The following DNAH6 variants were observed in gnomAD, a reference collection of about 807,000 sequenced individuals.
The protein encoded by DNAH6 is axonemal beta dynein heavy chain 6.
In DNAH6, 340 loss-of-function variants were observed where a neutral mutation model predicts 491.4. That is an observed-to-expected ratio of 0.69 (90% CI 0.63 to 0.76). DNAH6 has a LOEUF of 0.76. Among genes scored for constraint, DNAH6 ranks in the 30% least tolerant of loss-of-function variants. The pLI is 0.00. For synonymous variants in DNAH6, 1,603 were observed against 1,686.1 expected (o/e 0.95, Z 1.21); for missense variants, 4,443 against 4,972.2 (o/e 0.89, Z 3.20).
chr2:84,512,178 A>G (rs1410592187), upstream of DNAH6, among the ~76,000 whole-genome samples: 1 of 152,128 alleles, frequency 6.6e-6, no homozygotes, highest in Non-Finnish European at 1.5e-5. Context: ...CCCTTAGTCA[A>G]TTTGGTGTGA....
intron 35 of DNAH6, among the ~76,000 whole-genome samples, 157 bp downstream of exon 35, chr2:84,654,939 G>A (rs1248303549): frequency 6.6e-6 from 1 of 151,776 alleles, no homozygotes; most frequent in East Asian, 1.9e-4. Flanking sequence ...AATCGTCCAG[G>A]AATGTTTATA....
chr2:84,631,828 C>T (rs1573293679), intron 29 of DNAH6, among the ~76,000 whole-genome samples: 3 of 152,188 alleles, frequency 2.0e-5, no homozygotes, highest in Non-Finnish European at 4.4e-5. Flanking sequence ...TTAAGCCCTT[C>T]AGTTTATGGC....
At chr2:84,704,820 A>C (rs1696275556) in intron 51 of DNAH6, among the ~76,000 whole-genome samples, 1 of 152,340 alleles carries the variant, frequency 6.6e-6, no homozygotes, top group African/African-American at 2.4e-5. Context: ...TAGTGATACA[A>C]ACTTTTTTTC....
At position 84,624,633 on chromosome 2, in the gene DNAH6, T is replaced by A; in HGVS notation, c.4353+13T>A. 1 of 1,550,154 alleles carries A rather than the reference T, an allele frequency of 6.5e-7. No individual in the cohort carries two copies. Among genetic ancestry groups the A allele is most frequent in the Middle Eastern group, 1.7e-4 (1 of 5,984 alleles). On this transcript the variant is annotated intron_variant, in intron 28 of 76. Transcript: ENST00000389394. ...TACTCCACTCACAGTAAGTTATTGA[T>A]CACTTGGGTTAATATTGACACAAGA...
intron 50 of DNAH6, 133 bp downstream of exon 50, chr2:84,703,695 T>G: frequency 1.1e-6 from 1 of 901,262 alleles, no homozygotes; most frequent in Non-Finnish European, 1.6e-6. Context: ...AGCAAAGTTT[T>G]TTTTTTTTTA....
chr2:84,638,501 C>A (rs1229745506), intron 31 of DNAH6, among the ~76,000 whole-genome samples: 1 of 151,762 alleles, frequency 6.6e-6, no homozygotes, highest in African/African-American at 2.4e-5. Flanking sequence ...CATTTCATAA[C>A]AAGGGACACT....
intron 71 of DNAH6, among the ~76,000 whole-genome samples, chr2:84,807,063 A>G (rs930592485): frequency 1.3e-5 from 2 of 152,208 alleles, no homozygotes; most frequent in Non-Finnish European, 2.9e-5. Flanking sequence ...GGCTTCATAA[A>G]GCTTGTACTT....
chr2:84,543,032 G>A (rs536383756), intron 4 of DNAH6, among the ~76,000 whole-genome samples: 3 of 152,148 alleles, frequency 2.0e-5, no homozygotes, highest in East Asian at 3.9e-4. Context: ...AGTGGCAGGC[G>A]CCTGTAATCC....
intron 11 of DNAH6, among the ~76,000 whole-genome samples, chr2:84,571,528 AACAC>A (rs1681869438): frequency 6.6e-6 from 1 of 152,208 alleles, no homozygotes; most frequent in Non-Finnish European, 1.5e-5. Flanking sequence ...GGAAATATAA[AACAC>A]ACACATGCAC....
At chr2:84,649,790 C>T (rs1262984079) in intron 33 of DNAH6, among the ~76,000 whole-genome samples, 1 of 152,004 alleles carries the variant, frequency 6.6e-6, no homozygotes, top group Non-Finnish European at 1.5e-5. Flanking sequence ...AACGCAGGAA[C>T]AGAAAACCAA....
Position 84,548,448 on chromosome 2 carries a change from G to T in DNAH6, c.1316+31G>T, listed in dbSNP as rs1282207429. 9.9e-6 allele frequency: 16 copies of T among 1,612,280 alleles called. 1 individual carries two copies. Among genetic ancestry groups the T allele is most frequent in the Non-Finnish European group, 1.2e-5 (14 of 1,179,490 alleles). ...ATTATTCTCATTTTCAAGAAAAATT[G>T]TAGTACCCATCTTAAGCTGCATTAA... On this transcript the variant is annotated intron_variant, in intron 8 of 76. Coordinates refer to ENST00000389394, the MANE Select transcript of DNAH6 (RefSeq NM_001370.2).
rs557970411 is a variant in DNAH6, at chr2:84,679,325, G to A, written c.6745-2032G>A. 1.1e-3 allele frequency among the ~76,000 whole-genome samples: 163 copies of A among 152,214 alleles called. 2 individuals carry two copies. The highest frequency in any genetic ancestry group is 3.9e-3 in the African/African-American group (160 of 41,520). ...ATGCCCAGACACGATTTGCACCGTT[G>A]GAATATGTACATTATAAGTGACTCT... On this transcript the variant is annotated intron_variant, in intron 41 of 76. Coordinates refer to ENST00000389394, the MANE Select transcript of DNAH6 (RefSeq NM_001370.2).
intron 4 of DNAH6, among the ~76,000 whole-genome samples, chr2:84,543,961 A>G (rs1678509931): frequency 6.6e-6 from 1 of 152,150 alleles, no homozygotes; most frequent in Admixed American, 6.5e-5. Flanking sequence ...TTATTAATTT[A>G]TAGTCAATTC....
At chr2:84,740,398 A>C (rs1672408148) in intron 62 of DNAH6, among the ~76,000 whole-genome samples, 1 of 152,172 alleles carries the variant, frequency 6.6e-6, no homozygotes. Context: ...AGACTCTTTC[A>C]ACCCGCATTC....
At chr2:84,533,996 C>G (rs1168979115) in intron 4 of DNAH6, among the ~76,000 whole-genome samples, 1 of 152,044 alleles carries the variant, frequency 6.6e-6, no homozygotes, top group Non-Finnish European at 1.5e-5. Context: ...TCATCTGTGG[C>G]TCACACTACC....
At chr2:84,798,605 C>T (rs969673493) in intron 70 of DNAH6, among the ~76,000 whole-genome samples, 2 of 152,224 alleles carry the variant, frequency 1.3e-5, no homozygotes, top group Non-Finnish European at 2.9e-5. Context: ...CATGCTCATG[C>T]CTCAAGACAG....
intron 4 of DNAH6, among the ~76,000 whole-genome samples, chr2:84,542,517 T>C (rs771550684): frequency 6.6e-6 from 1 of 152,082 alleles, no homozygotes; most frequent in Non-Finnish European, 1.5e-5. Context: ...GGTTGAAGCT[T>C]TTCCATGGCA....
chr2:84,654,853 A>G (rs1690793896), intron 35 of DNAH6, 71 bp downstream of exon 35: 1 of 1,499,896 alleles, frequency 6.7e-7, no homozygotes, highest in Non-Finnish European at 9.0e-7. Context: ...TGCACAAATA[A>G]CAATAGGTTA....
chr2:84,653,995 A>G (rs1690708352), intron 34 of DNAH6, 121 bp downstream of exon 34: 1 of 790,844 alleles, frequency 1.3e-6, no homozygotes, highest in Non-Finnish European at 1.9e-6. Context: ...TGTTCTGTTT[A>G]CTTACTTATT....
Sources: gnomAD v4.1 joint callset for allele counts (sites outside exome capture counted in the v4.1 genomes callset) on GRCh38, gnomAD v4.1.1 for gene constraint, MANE v1.5 for transcripts, NCBI Gene and HGNC (gene_info 2026-07-23, HGNC 2026-07-21) for gene names.